Variants in CLHC1 observed in about 807,000 individuals in gnomAD.
The protein encoded by CLHC1 is clathrin heavy chain linker domain-containing protein 1.
CLHC1 carries 72 observed loss-of-function variants against 69.5 expected under a neutral mutation model. The observed-to-expected ratio is 1.04, with a 90% CI of 0.86 to 1.26. The LOEUF (loss-of-function observed/expected upper bound fraction) is 1.26, where lower values mean the gene tolerates loss of function less well. CLHC1 is among the 50% of genes most tolerant of loss of function. The pLI, the probability that CLHC1 is intolerant of heterozygous loss-of-function variation, is 0.00. For missense variants in CLHC1, 790 were observed against 679.3 expected, an observed-to-expected ratio of 1.16 and a Z score of -1.81; for synonymous variants, 223 against 224.3, an observed-to-expected ratio of 0.99 and a Z score of 0.05.
chr2:55,232,511 A>G (rs1030967630), upstream of CLHC1: 2 of 471,736 alleles, frequency 4.2e-6, no homozygotes, highest in Non-Finnish European at 7.8e-6. Flanking sequence ...AGCATTCCGA[A>G]GGCTAAAGTG....
intron 7 of CLHC1, 43 bp from the exon 8 acceptor site, chr2:55,208,753 T>G (rs1208046823): frequency 7.4e-7 from 1 of 1,348,200 alleles, no homozygotes; most frequent in Admixed American, 1.7e-5. Context: ...TTAAGGTTAC[T>G]TACCAATAGA....
Position 55,208,491 on chromosome 2 carries a change from T to C in CLHC1, c.899+135A>G, listed in dbSNP as rs983962112. The C allele has an allele frequency of 8.5e-6, 5 of 590,422 alleles. No individual in the cohort carries two copies. In the South Asian group the frequency reaches 1.4e-4, roughly 16 times the overall value. The allele number at this position is 590,422 out of a possible 1,614,324, so 36.6% of individuals were successfully genotyped here. ...TTGGATTAGGAATGCTTAACCTGTA[T>C]AAATAAAACATATCAACATTATAAT... On this transcript the variant is annotated intron_variant, in intron 8 of 12. Transcript: ENST00000401408.
chr2:55,194,990 C>T (rs1468176044), intron 9 of CLHC1, among the ~76,000 whole-genome samples: 2 of 151,762 alleles, frequency 1.3e-5, no homozygotes, highest in Non-Finnish European at 2.9e-5. Flanking sequence ...GATCATAGCT[C>T]ACTGCAGCCT....
At chr2:55,180,362 G>GA in intron 11 of CLHC1, 148 bp downstream of exon 11, 1 of 597,966 alleles carries the variant, frequency 1.7e-6, no homozygotes, top group Middle Eastern at 4.3e-4. Context: ...CTATGTTCAT[G>GA]AAAAATTACA....
At chr2:55,177,901 T>A (rs75442422) in intron 11 of CLHC1, 120 bp from the exon 12 acceptor site, 73,799 of 655,908 alleles carry the variant, frequency 0.11, 5,183 homozygotes, top group East Asian at 0.29. Context: ...TTCAAAGCCC[T>A]CAATGACCCA....
At chr2:55,198,624 C>A (rs1210258458) in intron 9 of CLHC1, among the ~76,000 whole-genome samples, 2 of 152,016 alleles carry the variant, frequency 1.3e-5, no homozygotes, top group African/African-American at 4.8e-5. Flanking sequence ...TACCAGAGAA[C>A]TTTCCAAACC....
chr2:55,209,859 C>T (rs371742899), intron 5 of CLHC1, 28 bp from the exon 6 acceptor site: 255 of 1,477,222 alleles, frequency 1.7e-4, no homozygotes, highest in Middle Eastern at 1.4e-3. Flanking sequence ...AAATCAAACA[C>T]GACAAGCCAT....
In CLHC1 at chr2:55,227,057, T is replaced by C. The variant is rs185080350; in HGVS notation, c.-83+975A>G. On this transcript the variant is annotated intron_variant, in intron 2 of 12. Coordinates refer to ENST00000401408, the MANE Select transcript of CLHC1 (RefSeq NM_152385.4). ...ATATACAGCCTGTAAATACTGCCCA[T>C]AGCCATATACAGAAGAGGAGACACC... 2.4e-3 allele frequency among the ~76,000 whole-genome samples: 369 copies of C among 152,332 alleles called. 1 individual carries two copies. Among genetic ancestry groups the C allele is most frequent in the African/African-American group, 8.5e-3 (354 of 41,560 alleles).
intron 2 of CLHC1, among the ~76,000 whole-genome samples, chr2:55,223,400 C>T (rs1674349060): frequency 6.6e-6 from 1 of 152,148 alleles, no homozygotes; most frequent in Non-Finnish European, 1.5e-5. Context: ...ATGCCGCTTT[C>T]AGTAAAGAAT....
chr2:55,179,275 T>C (rs1669689593), intron 11 of CLHC1, among the ~76,000 whole-genome samples: 1 of 152,114 alleles, frequency 6.6e-6, no homozygotes, highest in Admixed American at 6.6e-5. Flanking sequence ...CACTTAGCTC[T>C]AGCTGTGCCT....
intron 9 of CLHC1, among the ~76,000 whole-genome samples, chr2:55,197,500 G>C (rs1558474350): frequency 1.3e-5 from 2 of 152,190 alleles, no homozygotes; most frequent in Non-Finnish European, 2.9e-5. Context: ...GCTCAGCACA[G>C]ATTTGATGCA....
upstream of CLHC1, chr2:55,232,491 C>A: frequency 2.3e-6 from 1 of 426,044 alleles, no homozygotes; most frequent in Non-Finnish European, 4.4e-6. Flanking sequence ...CTTAAACCTA[C>A]AGTTTCGAAA....
intron 4 of CLHC1, chr2:55,214,366 G>A (rs180758004): frequency 2.1e-4 from 32 of 152,316 alleles, no homozygotes; most frequent in African/African-American, 7.7e-4. Context: ...AAATTAGCTG[G>A]GTGTGGTGGT....
intron 5 of CLHC1, among the ~76,000 whole-genome samples, chr2:55,211,226 G>C (rs191984277): frequency 1.6e-3 from 241 of 152,198 alleles, no homozygotes; most frequent in Non-Finnish European, 2.8e-3. Flanking sequence ...TCTAGGCCAG[G>C]TGCAGTGGCT....
At chr2:55,194,041 T>C (rs943550244) in intron 9 of CLHC1, among the ~76,000 whole-genome samples, 1 of 152,054 alleles carries the variant, frequency 6.6e-6, no homozygotes, top group Non-Finnish European at 1.5e-5. Flanking sequence ...TATGATCCCA[T>C]TCACACAAAA....
At position 55,180,701 on chromosome 2, in the gene CLHC1, G is replaced by A. The variant is rs1669853540; in HGVS notation, c.1193C>T (p.Ser398Phe). 4 of 1,613,686 alleles carry A rather than the reference G, an allele frequency of 2.5e-6. No individual in the cohort carries two copies. Among genetic ancestry groups the A allele is most frequent in the Non-Finnish European group, 3.4e-6 (4 of 1,179,816 alleles). The change falls in exon 11 of 13, where the codon TCT (serine) becomes TTT (phenylalanine). Residue 398 changes from serine to phenylalanine, a missense_variant. Ser to Phe is a radical substitution (Grantham distance 155). Coordinates refer to ENST00000401408, the MANE Select transcript of CLHC1 (RefSeq NM_152385.4). ...NWVTQERLTFSEEAGDVICDY... is the reference protein window; with the variant it reads ...NWVTQERLTFFEEAGDVICDY... The stretch of plus-strand genomic sequence containing the variant: ...ACAAATCACATCCCCAGCCTCCTCA[G>A]AAAATGTCAGTCTAGAACAAGCAGA...
rs1673912393 is a variant in CLHC1, at chr2:55,219,552, T to C, written c.178-1554A>G. Among the ~76,000 whole-genome samples the C allele has an allele frequency of 1.3e-5, 2 of 152,346 alleles. 1 individual carries two copies. The highest frequency in any genetic ancestry group is 4.1e-4 in the South Asian group (2 of 4,830). On this transcript the variant is annotated intron_variant, in intron 3 of 12. Transcript: ENST00000401408. ...AGCTTTCGATTACAATCTCCTTTACTGGTTTATTTATTCATGGTTTTATTT... is the reference window on the plus strand; with the variant it reads ...AGCTTTCGATTACAATCTCCTTTACCGGTTTATTTATTCATGGTTTTATTT...
chr2:55,232,356 A>T, upstream of CLHC1: 1 of 269,648 alleles, frequency 3.7e-6, no homozygotes. Context: ...GGAGAACTAC[A>T]GTTCCCAGAA....
In CLHC1 at chr2:55,211,080, T is replaced by G. The variant is rs143294527; in HGVS notation, c.500-1249A>C. On this transcript the variant is annotated intron_variant, in intron 5 of 12. Coordinates refer to ENST00000401408, the MANE Select transcript of CLHC1 (RefSeq NM_152385.4). ...TCCTCCCCCAGAAACTTACCTGCATTGATTCTACTTAATTTTAACCAGTCC... is the reference window on the plus strand; with the variant it reads ...TCCTCCCCCAGAAACTTACCTGCATGGATTCTACTTAATTTTAACCAGTCC... Among the ~76,000 whole-genome samples, 422 of 152,300 alleles carry G rather than the reference T, an allele frequency of 2.8e-3. 1 individual carries two copies. Among genetic ancestry groups the G allele is most frequent in the African/African-American group, 6.4e-3 (267 of 41,570 alleles).
Sources: gnomAD v4.1 joint callset for allele counts (sites outside exome capture counted in the v4.1 genomes callset) on GRCh38, gnomAD v4.1.1 for gene constraint, MANE v1.5 for transcripts, NCBI Gene and HGNC (gene_info 2026-07-23, HGNC 2026-07-21) for gene names.